Variants in ACOT1 observed in about 807,000 individuals in gnomAD.
The protein encoded by ACOT1 is acyl-coenzyme A thioesterase 1.
Under a neutral mutation model 15.7 loss-of-function variants are expected in ACOT1, and 8 were observed. That is an observed-to-expected ratio of 0.51 (90% CI 0.30 to 0.92). The LOEUF is 0.92. Ranked by LOEUF, ACOT1 falls within the 40% of genes least tolerant of loss-of-function variation. The pLI is 0.06. For missense variants in ACOT1, 151 were observed against 539.4 expected, an observed-to-expected ratio of 0.28 and a Z score of 7.13; for synonymous variants, 67 against 241.2, an observed-to-expected ratio of 0.28 and a Z score of 6.69.
chr14:73,529,054 T>A, the ACOT1 span: 2 of 152,022 alleles, frequency 1.3e-5, no homozygotes, highest in Non-Finnish European at 2.9e-5. Context: ...GTACACAGCA[T>A]AAAAAATTAA....
the ACOT1 span, chr14:73,522,907 G>T: frequency 1.2e-6 from 2 of 1,614,180 alleles, no homozygotes. Context: ...TGCTGGGCAG[G>T]CCTCGCTGCC....
chr14:73,537,115 C>A (rs1345427152), upstream of ACOT1: 42 of 257,192 alleles, frequency 1.6e-4, 13 homozygotes, highest in Admixed American at 1.2e-3. Context: ...TCCCGAGTAG[C>A]CGGGACGAAC....
the ACOT1 span, among the ~76,000 whole-genome samples, chr14:73,501,275 C>T: frequency 2.6e-5 from 4 of 152,060 alleles, no homozygotes; most frequent in Non-Finnish European, 4.4e-5. Flanking sequence ...CCCACCACCA[C>T]GCCTGGCTAA....
chr14:73,509,120 G>A, the ACOT1 span, among the ~76,000 whole-genome samples: 3 of 152,238 alleles, frequency 2.0e-5, no homozygotes, highest in East Asian at 1.9e-4. Flanking sequence ...TGTCGCCTTG[G>A]CCTCCCAAAG....
chr14:73,492,786 A>G, the ACOT1 span: 1 of 1,613,834 alleles, frequency 6.2e-7, no homozygotes, highest in Admixed American at 1.7e-5. This position sits in a 1 kb window ranked among gnomAD's most constrained non-coding sequence, Gnocchi z 4.9. Context: ...ATATACCCCC[A>G]GCAAGCTGAT....
chr14:73,494,216 T>G, the ACOT1 span, among the ~76,000 whole-genome samples: 11 of 152,242 alleles, frequency 7.2e-5, no homozygotes, highest in African/African-American at 2.7e-4. Flanking sequence ...AAGTGCCTGA[T>G]GTACCAGAAA....
chr14:73,501,202 G>A, the ACOT1 span, among the ~76,000 whole-genome samples: 3 of 150,440 alleles, frequency 2.0e-5, no homozygotes, highest in South Asian at 2.1e-4. Flanking sequence ...TACTGCAAGC[G>A]CCGCCTCCTG....
Position 73,537,938 on chromosome 14 carries a change from T to A in ACOT1, c.457+60T>A, listed in dbSNP as rs1359665822. On this transcript the variant is annotated intron_variant, in intron 1 of 2. Coordinates refer to ENST00000311148, the MANE Select transcript of ACOT1 (RefSeq NM_001037161.2). Reference sequence around the variant, plus strand: ...ATCCCTGTTCCTGCGCTTTCCACTGTGTGTGTGTGTGTGTCCCCTTCGCCC... The same window carrying A: ...ATCCCTGTTCCTGCGCTTTCCACTGAGTGTGTGTGTGTGTCCCCTTCGCCC... The A allele has an allele frequency of 4.2e-5, 44 of 1,042,228 alleles. 16 individuals are homozygous for A. Among genetic ancestry groups the A allele is most frequent in the Non-Finnish European group, 5.4e-5 (44 of 814,862 alleles). 64.6% of individuals were successfully genotyped at this position (1,042,228 alleles called of 1,614,324 possible). A position where few individuals can be genotyped will look rare whatever the true frequency, so the allele number is the denominator to read the frequency against.
Position 73,538,002 on chromosome 14 carries a change from C to T in ACOT1, c.457+124C>T. ...TCGCTTGTGTGTGTGTCCCTCCTCC[C>T]GCCCCACCACCACCACCCCGGGCTA... On this transcript the variant is annotated intron_variant, in intron 1 of 2. Coordinates refer to ENST00000311148, the MANE Select transcript of ACOT1 (RefSeq NM_001037161.2). 3.6e-6 allele frequency: 3 copies of T among 838,710 alleles called. 1 individual carries two copies. Among genetic ancestry groups the T allele is most frequent in the Non-Finnish European group, 4.7e-6 (3 of 636,254 alleles). 52.0% of individuals were successfully genotyped at this position (838,710 alleles called of 1,614,324 possible). A position where few individuals can be genotyped will look rare whatever the true frequency, so the allele number is the denominator to read the frequency against.
the ACOT1 span, among the ~76,000 whole-genome samples, chr14:73,510,887 G>A: frequency 1.3e-5 from 2 of 152,148 alleles, no homozygotes; most frequent in Non-Finnish European, 2.9e-5. Flanking sequence ...GGTCCACAAA[G>A]GGCCTGCCTG....
At chr14:73,523,466 G>A in the ACOT1 span, among the ~76,000 whole-genome samples, 1 of 152,230 alleles carries the variant, frequency 6.6e-6, no homozygotes, top group Non-Finnish European at 1.5e-5. Context: ...TGTGAGGGAT[G>A]ACTGCTTTTC....
At chr14:73,525,627 G>A in the ACOT1 span, among the ~76,000 whole-genome samples, 1 of 152,088 alleles carries the variant, frequency 6.6e-6, no homozygotes, top group South Asian at 2.1e-4. Context: ...CTCCATGCAG[G>A]AACACCAAAC....
chr14:73,498,932 C>T, the ACOT1 span: 1 of 735,546 alleles, frequency 1.4e-6, no homozygotes, highest in East Asian at 2.5e-5. Flanking sequence ...TTTCTCTTTT[C>T]AGACAAGGAA....
the ACOT1 span, among the ~76,000 whole-genome samples, chr14:73,524,813 A>T: frequency 2.6e-5 from 4 of 151,832 alleles, no homozygotes; most frequent in Non-Finnish European, 5.9e-5. Flanking sequence ...AGAGACCATT[A>T]TTCCATATGT....
At chr14:73,493,096 G>A in the ACOT1 span, 4 of 1,610,618 alleles carry the variant, frequency 2.5e-6, no homozygotes, top group East Asian at 6.7e-5. Flanking sequence ...CACAAACCTC[G>A]GAAGGTCTTC....
upstream of ACOT1, among the ~76,000 whole-genome samples, chr14:73,533,078 T>C (rs1888758105): frequency 8.6e-6 from 1 of 115,658 alleles, no homozygotes; most frequent in African/African-American, 2.8e-5. Flanking sequence ...TGAGCTATGA[T>C]GGCACTACTG....
the ACOT1 span, among the ~76,000 whole-genome samples, chr14:73,499,346 T>C: frequency 3.3e-5 from 5 of 152,206 alleles, no homozygotes; most frequent in African/African-American, 1.2e-4. Context: ...CCGGGCATGG[T>C]GTCACACGCC....
the ACOT1 span, chr14:73,508,431 A>G: frequency 8.5e-6 from 6 of 708,262 alleles, no homozygotes; most frequent in East Asian, 5.3e-5. Context: ...TAGAAATACA[A>G]TTTCTTATTT....
chr14:73,507,703 T>A, the ACOT1 span, among the ~76,000 whole-genome samples: 1 of 152,286 alleles, frequency 6.6e-6, no homozygotes, highest in East Asian at 1.9e-4. Flanking sequence ...CCCAAAGTGC[T>A]GGGATTACAG....
Sources: allele counts gnomAD v4.1 joint callset (sites outside exome capture counted in the v4.1 genomes callset), GRCh38; gene constraint gnomAD v4.1.1; non-coding constraint Gnocchi (gnomAD v3.1); transcripts MANE v1.5; gene names NCBI Gene and HGNC (gene_info 2026-07-23, HGNC 2026-07-21).